Variants in PPOX observed in about 807,000 individuals in gnomAD.
PPOX encodes protoporphyrinogen oxidase, also known as variegate porphyria.
Under a neutral mutation model 54.1 loss-of-function variants are expected in PPOX, and 23 were observed. That is an observed-to-expected ratio of 0.43 (90% CI 0.31 to 0.60). PPOX has a LOEUF of 0.60. Among genes scored for constraint, PPOX ranks in the 20% least tolerant of loss-of-function variants. PPOX has a pLI of 0.13. For synonymous variants in PPOX, 224 were observed against 236.1 expected (o/e 0.95, Z 0.47); for missense variants, 512 against 601.1 (o/e 0.85, Z 1.55).
rs749310523 is a variant in PPOX, at chr1:161,170,530, G to A, written c.1098+11G>A. The A allele has an allele frequency of 3.1e-6, 5 of 1,614,194 alleles. No individual in the cohort carries two copies. The East Asian group carries it at 6.7e-5, about 22-fold the overall frequency. ...GGCCTCAGAGTGACTGTGAGGAGGA[G>A]GAAACTTTGCCTAGTGGCATTTCCA... On this transcript the variant is annotated intron_variant, in intron 10 of 12. Transcript: ENST00000367999.
chr1:161,175,386 G>A (rs1663114840), downstream of PPOX, among the ~76,000 whole-genome samples: 1 of 152,084 alleles, frequency 6.6e-6, no homozygotes, highest in Non-Finnish European at 1.5e-5. Flanking sequence ...CCTATCACTG[G>A]GACAGCTCTA....
downstream of PPOX, chr1:161,176,186 A>T (rs1484084595): frequency 8.2e-7 from 1 of 1,216,668 alleles, no homozygotes; most frequent in Non-Finnish European, 1.1e-6. Flanking sequence ...AAAGCAGAAA[A>T]CAAAGTCACA....
At chr1:161,166,364 C>T, upstream of PPOX, 1 of 1,051,168 alleles carries the variant, frequency 9.5e-7, no homozygotes, top group Non-Finnish European at 1.2e-6. Flanking sequence ...CCGGGGCCTT[C>T]CAAGTCCCGC....
rs1223529690 is a variant in PPOX, at chr1:161,166,475, T to C, written c.-206T>C. 8.0e-7 allele frequency: 1 copy of C among 1,247,900 alleles called. No individual in the cohort carries two copies. Among genetic ancestry groups the C allele is most frequent in the East Asian group, 4.2e-5 (1 of 23,532 alleles). The allele number at this position is 1,247,900 out of a possible 1,614,324, so 77.3% of individuals were successfully genotyped here. A position where few individuals can be genotyped will look rare whatever the true frequency, so the allele number is the denominator to read the frequency against. ...AAGGCTGGGGGTGGGAGTAGCGGAT[T>C]TGAAGCACTTGTTGGCCTACAGAGG... On this transcript the variant is annotated 5_prime_UTR_variant, in exon 1 of 13. Coordinates refer to ENST00000367999, the MANE Select transcript of PPOX (RefSeq NM_001122764.3).
intron 7 of PPOX, 69 bp downstream of exon 7, chr1:161,169,252 C>A: frequency 6.4e-7 from 1 of 1,559,312 alleles, no homozygotes; most frequent in Non-Finnish European, 8.8e-7. Context: ...CTTAACTAGG[C>A]CAGGGCCGAT....
At position 161,168,549 on chromosome 1, in the gene PPOX, A is replaced by T; in HGVS notation, c.589A>T (p.Ile197Leu). 2 of 1,614,088 alleles carry T rather than the reference A, an allele frequency of 1.2e-6. No individual in the cohort carries two copies. Among genetic ancestry groups the T allele is most frequent in the Non-Finnish European group, 1.7e-6 (2 of 1,180,024 alleles). Residue 197 changes from isoleucine (I) to leucine (L), a missense_variant, in exon 6 of 13, where the codon ATA becomes TTA. By Grantham distance (5) the Ile-to-Leu change is conservative. Transcript: ENST00000367999. ...LFQAEQTHRS[I>L]LLGLLLGAGR... ...CCAAGCTGAGCAAACCCATCGTTCC[A>T]TATTACTGGGCCTGCTGCTGGGGGC... is the stretch of plus-strand genomic sequence containing the variant.
chr1:161,167,604 G>A (rs1329137527), intron 4 of PPOX, 118 bp downstream of exon 4: 8 of 1,268,422 alleles, frequency 6.3e-6, no homozygotes, highest in African/African-American at 3.7e-5. Flanking sequence ...TATCGCTCTC[G>A]CCCAGGATGG....
At chr1:161,167,702 C>T in intron 4 of PPOX, 2 of 722,868 alleles carry the variant, frequency 2.8e-6, no homozygotes, top group Non-Finnish European at 4.4e-6. Context: ...GTAGCTGGGA[C>T]TACAGGTGCC....
At chr1:161,166,969 T>G (rs1659177266) in intron 2 of PPOX, 35 bp downstream of exon 2, 4 of 1,611,864 alleles carry the variant, frequency 2.5e-6, no homozygotes, top group Non-Finnish European at 3.4e-6. Context: ...GGAGCTTCAT[T>G]TAATGCTCTT....
downstream of PPOX, chr1:161,171,394 G>A (rs567902159): frequency 4.1e-4 from 321 of 783,302 alleles, 1 homozygote; most frequent in Middle Eastern, 4.5e-3. Flanking sequence ...TTCCAGCATA[G>A]GCAGAAAATG....
At chr1:161,171,692 C>T (rs1216763402), downstream of PPOX, 1 of 1,373,554 alleles carries the variant, frequency 7.3e-7, no homozygotes, top group East Asian at 2.3e-5. Flanking sequence ...GAGGCCCCTA[C>T]CCCCTAGCAC....
At chr1:161,169,610 C>T (rs1660427070) in intron 7 of PPOX, 50 bp from the exon 8 acceptor site, 1 of 1,578,632 alleles carries the variant, frequency 6.3e-7, no homozygotes, top group African/African-American at 1.3e-5. Context: ...TCTCTTTTCA[C>T]TCATCAAATT....
chr1:161,177,597 T>C (rs1664100890), downstream of PPOX: 1 of 159,358 alleles, frequency 6.3e-6, no homozygotes, highest in African/African-American at 2.4e-5. Flanking sequence ...GGCCGGGGGC[T>C]TGTGAGGGAG....
chr1:161,172,518 A>C, downstream of PPOX: 1 of 591,696 alleles, frequency 1.7e-6, no homozygotes, highest in East Asian at 2.9e-5. Flanking sequence ...ATGTATCCAA[A>C]TCCTCAGGGC....
rs762605289 is a variant in PPOX, at chr1:161,168,454, G to A, written c.494G>A (p.Ser165Asn). 6.2e-6 allele frequency: 10 copies of A among 1,614,064 alleles called. 1 individual carries two copies. The highest frequency in any genetic ancestry group is 6.8e-6 in the Non-Finnish European group (8 of 1,180,042). ...GPEVASLAMDSLCRGVFAGNS... is the reference protein window; with the variant it reads ...GPEVASLAMDNLCRGVFAGNS... ...AAGGTGGCGTCTCTAGCCATGGACA[G>A]TCTCTGCCGTGGAGTGTTTGCAGGC... The change falls in exon 6 of 13, where the codon AGT becomes AAT. Residue 165 changes from serine (S) to asparagine (N), a missense_variant. Coordinates refer to ENST00000367999, the MANE Select transcript of PPOX (RefSeq NM_001122764.3).
chr1:161,168,406 T>G, intron 5 of PPOX, 26 bp from the exon 6 acceptor site: 1 of 1,613,790 alleles, frequency 6.2e-7, no homozygotes. Context: ...ATTTTTTCGC[T>G]CCTTAGTCCT....
downstream of PPOX, chr1:161,171,517 G>A: frequency 1.7e-6 from 1 of 578,380 alleles, no homozygotes; most frequent in East Asian, 3.0e-5. Flanking sequence ...GAAGAGGGAG[G>A]GGCTTGGGGT....
chr1:161,176,692 G>C (rs1663655242), intron 4 of PPOX: 1 of 622,372 alleles, frequency 1.6e-6, no homozygotes. Flanking sequence ...GAAAGGAAGA[G>C]GAGGAGCAGG....
chr1:161,175,208 A>T, downstream of PPOX: 1 of 1,613,456 alleles, frequency 6.2e-7, no homozygotes, highest in South Asian at 1.1e-5. Context: ...ACTGGGCTAA[A>T]GGACACCGAC....
Sources: allele counts gnomAD v4.1 joint callset (sites outside exome capture counted in the v4.1 genomes callset), GRCh38; gene constraint gnomAD v4.1.1; transcripts MANE v1.5; gene names NCBI Gene and HGNC (gene_info 2026-07-23, HGNC 2026-07-21).